Variants in ST8SIA1 observed in about 807,000 individuals in gnomAD.
ST8SIA1 encodes the protein alpha-N-acetylneuraminide alpha-2,8-sialyltransferase.
ST8SIA1 carries 16 observed loss-of-function variants against 35.9 expected under a neutral mutation model. The observed-to-expected ratio is 0.45, with a 90% CI of 0.30 to 0.68. The LOEUF is 0.68. ST8SIA1 is among the 30% of genes least tolerant of loss of function. ST8SIA1 has a pLI of 0.09. For missense variants in ST8SIA1, 383 were observed against 453.6 expected (o/e 0.84, Z 1.41); for synonymous variants, 170 against 169.6 (o/e 1.00, Z -0.02).
At chr12:22,208,753 A>C (rs1865143483) in intron 4 of ST8SIA1, among the ~76,000 whole-genome samples, 1 of 152,176 alleles carries the variant, frequency 6.6e-6, no homozygotes, top group Non-Finnish European at 1.5e-5. Flanking sequence ...AGTAATAAAA[A>C]CACTATGGAA....
intron 1 of ST8SIA1, among the ~76,000 whole-genome samples, chr12:22,294,956 T>A (rs1054128846): frequency 6.6e-6 from 1 of 152,150 alleles, no homozygotes; most frequent in Admixed American, 6.6e-5. Flanking sequence ...TTTTAGTAGC[T>A]GGAAGTGACT....
intron 3 of ST8SIA1, among the ~76,000 whole-genome samples, chr12:22,254,102 C>T (rs1865702435): frequency 6.6e-6 from 1 of 152,182 alleles, no homozygotes. Flanking sequence ...CTTCACCCTT[C>T]CTGGCCACAG....
At position 22,196,734 on chromosome 12, in the gene ST8SIA1, G is replaced by T. The variant is rs1864993299; in HGVS notation, c.*4818C>A. On this transcript the variant is annotated 3_prime_UTR_variant, in exon 5 of 5. Coordinates refer to ENST00000396037, the MANE Select transcript of ST8SIA1 (RefSeq NM_003034.4). ...GTTCCACTTTAGAATCACTGGCAGG[G>T]CTATAACTAGGTCGGGGTGATCAGA... 6.6e-6 allele frequency: 1 copy of T among 152,232 alleles called. No individual in the cohort carries two copies. The highest frequency in any genetic ancestry group is 2.4e-5 in the African/African-American group (1 of 41,444). 9.4% of individuals were successfully genotyped at this position (152,232 alleles called of 1,614,324 possible). A position where few individuals can be genotyped will look rare whatever the true frequency, so the allele number is the denominator to read the frequency against.
At chr12:22,329,884 G>A (rs1866737088) in intron 1 of ST8SIA1, among the ~76,000 whole-genome samples, 1 of 152,134 alleles carries the variant, frequency 6.6e-6, no homozygotes, top group African/African-American at 2.4e-5. Flanking sequence ...CAAACCCACT[G>A]GTAACAGTGA....
chr12:22,303,244 G>A (rs1866339073), intron 1 of ST8SIA1, among the ~76,000 whole-genome samples: 1 of 152,066 alleles, frequency 6.6e-6, no homozygotes, highest in African/African-American at 2.4e-5. Context: ...GCTGAAGCCT[G>A]AAAGAGCCCC....
At chr12:22,253,562 G>A (rs932450320) in intron 3 of ST8SIA1, among the ~76,000 whole-genome samples, 1 of 152,072 alleles carries the variant, frequency 6.6e-6, no homozygotes. Context: ...ATTCCCCCAC[G>A]GTAGCAAACA....
At chr12:22,225,807 T>G (rs1272594753) in intron 4 of ST8SIA1, among the ~76,000 whole-genome samples, 1 of 152,196 alleles carries the variant, frequency 6.6e-6, no homozygotes, top group East Asian at 1.9e-4. Flanking sequence ...AACCACTGTT[T>G]GCTCAAATCA....
intron 2 of ST8SIA1, among the ~76,000 whole-genome samples, chr12:22,255,800 T>C (rs1865722909): frequency 6.6e-6 from 1 of 152,232 alleles, no homozygotes; most frequent in Non-Finnish European, 1.5e-5. Flanking sequence ...AATCAGCCAT[T>C]CACTTGATAA....
intron 2 of ST8SIA1, among the ~76,000 whole-genome samples, chr12:22,285,045 C>T: frequency 6.6e-6 from 1 of 152,230 alleles, no homozygotes; most frequent in East Asian, 1.9e-4. Flanking sequence ...AGTTTTCATA[C>T]ATAGAATATC....
chr12:22,259,076 C>T (rs1332508439), intron 2 of ST8SIA1, among the ~76,000 whole-genome samples: 6 of 152,144 alleles, frequency 3.9e-5, no homozygotes, highest in Non-Finnish European at 7.3e-5. Flanking sequence ...TCTTCCTTCC[C>T]TTTTTCATTT....
At chr12:22,278,536 C>T (rs7977156) in intron 2 of ST8SIA1, among the ~76,000 whole-genome samples, 5,910 of 152,016 alleles carry the variant, frequency 0.039, 402 homozygotes, top group African/African-American at 0.14. Flanking sequence ...ATATTAGACC[C>T]AAGATGTATA....
At chr12:22,219,715 A>G (rs1347606015) in intron 4 of ST8SIA1, among the ~76,000 whole-genome samples, 1 of 152,160 alleles carries the variant, frequency 6.6e-6, no homozygotes, top group Non-Finnish European at 1.5e-5. Flanking sequence ...TAGTTCTGGG[A>G]AAGCAAATGG....
chr12:22,299,377 A>G (rs1004684085), intron 1 of ST8SIA1, among the ~76,000 whole-genome samples: 60 of 152,266 alleles, frequency 3.9e-4, no homozygotes, highest in African/African-American at 1.3e-3. Context: ...GCTTAAAGAG[A>G]AATCATTTTA....
At chr12:22,311,656 G>A (rs933802143) in intron 1 of ST8SIA1, among the ~76,000 whole-genome samples, 4 of 152,076 alleles carry the variant, frequency 2.6e-5, no homozygotes, top group African/African-American at 4.8e-5. Flanking sequence ...CCTTATTGCT[G>A]TAATACAAAA....
intron 4 of ST8SIA1, among the ~76,000 whole-genome samples, chr12:22,245,333 A>C (rs1280482810): frequency 6.6e-6 from 1 of 152,186 alleles, no homozygotes; most frequent in Non-Finnish European, 1.5e-5. Flanking sequence ...TTTTCCAAAG[A>C]GGACTTGCTT....
intron 2 of ST8SIA1, among the ~76,000 whole-genome samples, chr12:22,285,871 C>CAA (rs1264234503): frequency 0.011 from 1,025 of 94,232 alleles, 42 homozygotes; most frequent in Middle Eastern, 0.035. Context: ...AAGACTCTGT[C>CAA]AAAAACAAAA....
In ST8SIA1 at chr12:22,215,173, A is replaced by C. The variant is rs1052054464; in HGVS notation, c.585-13135T>G. 2.6e-5 allele frequency among the ~76,000 whole-genome samples: 4 copies of C among 152,116 alleles called. No individual in the cohort carries two copies. The East Asian group carries it at 7.7e-4, about 29-fold the overall frequency. On this transcript the variant is annotated intron_variant, in intron 4 of 4. Coordinates refer to ENST00000396037, the MANE Select transcript of ST8SIA1 (RefSeq NM_003034.4). Reference sequence around the variant, plus strand: ...TCCCCCAACTGAAAACTAACATAACAAACAAAAATTTGCTCAAAAGTGCAT... The same window carrying C: ...TCCCCCAACTGAAAACTAACATAACCAACAAAAATTTGCTCAAAAGTGCAT...
intron 1 of ST8SIA1, among the ~76,000 whole-genome samples, chr12:22,328,078 A>G (rs2135847237): frequency 6.6e-6 from 1 of 152,348 alleles, no homozygotes; most frequent in South Asian, 2.1e-4. Context: ...GCTGCTGAAC[A>G]TTCTACAATG....
chr12:22,232,335 G>A (rs372791951), intron 4 of ST8SIA1, among the ~76,000 whole-genome samples: 1 of 152,088 alleles, frequency 6.6e-6, no homozygotes, highest in Non-Finnish European at 1.5e-5. Context: ...CATAAAATAC[G>A]AAAGTAGAGC....
Sources: allele counts gnomAD v4.1 joint callset (sites outside exome capture counted in the v4.1 genomes callset), GRCh38; gene constraint gnomAD v4.1.1; transcripts MANE v1.5; gene names NCBI Gene and HGNC (gene_info 2026-07-23, HGNC 2026-07-21).